Variants in BAIAP2 observed in about 807,000 individuals in gnomAD.
The protein encoded by BAIAP2 is BAR/IMD domain containing adaptor protein 2.
A neutral mutation model predicts 63.0 loss-of-function variants in BAIAP2; 18 were observed. The ratio of observed to expected loss-of-function variants is 0.29; its 90% CI spans 0.20 to 0.42. The LOEUF (loss-of-function observed/expected upper bound fraction) is 0.42. BAIAP2 is among the 10% of genes least tolerant of loss of function. BAIAP2 has a pLI of 1.00. For synonymous variants in BAIAP2, 386 were observed against 307.6 expected (o/e 1.25, Z -2.67); for missense variants, 610 against 734.3 (o/e 0.83, Z 1.96).
chr17:81,049,652 T>C (rs999697759), intron 1 of BAIAP2, among the ~76,000 whole-genome samples: 4 of 152,212 alleles, frequency 2.6e-5, no homozygotes, highest in Non-Finnish European at 4.4e-5. Context: ...AAAAGCCACG[T>C]CGGTGTGGCT....
At chr17:81,055,583 T>TGTTTTTTTTTTTTTTTG (rs2049391837) in intron 2 of BAIAP2, among the ~76,000 whole-genome samples, 1 of 149,234 alleles carries the variant, frequency 6.7e-6, no homozygotes, top group Non-Finnish European at 1.5e-5. Flanking sequence ...TGTTTTTTTT[T>TGTTTTTTTTTTTTTTTG]GAGACGGAGT....
Position 81,046,234 on chromosome 17 carries a change from C to T in BAIAP2, c.55-7434C>T, listed in dbSNP as rs920282127. ...AGGCCCCCGTCCTAACCCTGCGCGCCGTTTCCTCCCAGAAACTTCCATGCA... is the reference window on the plus strand; with the variant it reads ...AGGCCCCCGTCCTAACCCTGCGCGCTGTTTCCTCCCAGAAACTTCCATGCA... On this transcript the variant is annotated intron_variant, in intron 1 of 13. Transcript: ENST00000428708. The surrounding 1 kb of genome is among the most constrained non-coding windows in gnomAD (Gnocchi z 4.5). Among the ~76,000 whole-genome samples, 2 of 152,142 alleles carry T rather than the reference C, an allele frequency of 1.3e-5. No individual in the cohort carries two copies. The highest frequency in any genetic ancestry group is 2.9e-5 in the Non-Finnish European group (2 of 68,006).
At chr17:81,062,983 G>A (rs1011596933) in intron 3 of BAIAP2, among the ~76,000 whole-genome samples, 2 of 143,106 alleles carry the variant, frequency 1.4e-5, no homozygotes, top group Admixed American at 7.6e-5. Flanking sequence ...ATTTCCTGCC[G>A]ATATCTTTCC....
Position 81,116,449 on chromosome 17 carries a change from C to G in BAIAP2, c.*610C>G. 8.9e-7 allele frequency: 1 copy of G among 1,118,402 alleles called. No individual in the cohort carries two copies. 69.3% of individuals were successfully genotyped at this position (1,118,402 alleles called of 1,614,324 possible). ...GTCACAAGGGCCTCCCCAGGCCCCT[C>G]CTGCCTCGGGCAGGCCCCAGCCCTC... On this transcript the variant is annotated 3_prime_UTR_variant, in exon 14 of 14. Transcript: ENST00000428708.
At chr17:81,115,069 C>G (rs896113843) in intron 13 of BAIAP2, among the ~76,000 whole-genome samples, 1 of 152,254 alleles carries the variant, frequency 6.6e-6, no homozygotes, top group African/African-American at 2.4e-5. Flanking sequence ...AGGCATCCCT[C>G]TCATCCGTGC....
chr17:81,045,448 A>T (rs10871492), intron 1 of BAIAP2, among the ~76,000 whole-genome samples: 1 of 152,070 alleles, frequency 6.6e-6, no homozygotes, highest in Admixed American at 6.5e-5. Flanking sequence ...CTGTCCTGGG[A>T]CCTCCCAGGA....
intron 3 of BAIAP2, among the ~76,000 whole-genome samples, chr17:81,060,235 T>G (rs995270286): frequency 6.6e-6 from 1 of 152,162 alleles, no homozygotes; most frequent in Non-Finnish European, 1.5e-5. Context: ...GTTCTGTGGC[T>G]TAGTGTATTT....
At chr17:81,102,397 T>A (rs1282050298) in intron 7 of BAIAP2, among the ~76,000 whole-genome samples, 1 of 152,248 alleles carries the variant, frequency 6.6e-6, no homozygotes, top group East Asian at 1.9e-4. Context: ...CCTCTACCAC[T>A]GATCTCAGCC....
At chr17:81,053,008 C>T (rs561172216) in intron 1 of BAIAP2, among the ~76,000 whole-genome samples, 289 of 152,260 alleles carry the variant, frequency 1.9e-3, no homozygotes, top group African/African-American at 6.7e-3. Flanking sequence ...TCTCATTTGG[C>T]TGTTGTTTGT....
intron 1 of BAIAP2, among the ~76,000 whole-genome samples, chr17:81,035,749 G>C (rs1483181339): frequency 2.0e-5 from 3 of 152,096 alleles, no homozygotes; most frequent in East Asian, 1.9e-4. Flanking sequence ...CGGCGGCCAG[G>C]ACGGCATGGG....
intron 13 of BAIAP2, chr17:81,109,418 A>G: frequency 9.9e-7 from 1 of 1,009,472 alleles, no homozygotes; most frequent in Non-Finnish European, 1.2e-6. Flanking sequence ...AACAGGAAAA[A>G]GGACTTTTTT....
At chr17:81,079,495 T>A (rs756108163) in intron 3 of BAIAP2, among the ~76,000 whole-genome samples, 3 of 151,992 alleles carry the variant, frequency 2.0e-5, no homozygotes, top group Admixed American at 6.5e-5. Context: ...CACCCATGTG[T>A]GCCCCCTTTC....
chr17:81,052,101 C>T (rs2048762913), intron 1 of BAIAP2, among the ~76,000 whole-genome samples: 1 of 152,256 alleles, frequency 6.6e-6, no homozygotes, highest in African/African-American at 2.4e-5. Context: ...CTTCCTCTTC[C>T]TGCCTCCCCT....
At position 81,108,471 on chromosome 17, in the gene BAIAP2, C is replaced by T. The variant is rs751447804; in HGVS notation, c.1501-4C>T. 5.0e-6 allele frequency: 8 copies of T among 1,613,694 alleles called. No individual in the cohort carries two copies. In the South Asian group the frequency reaches 5.5e-5, roughly 11 times the overall value. ...GCCTGACATGTTTCTGCCTCTGCCC[C>T]CAGGGCCTGGATGACTATGGAGCGC... On this transcript the variant is annotated splice_polypyrimidine_tract_variant and splice_region_variant and intron_variant, in intron 12 of 13. Transcript: ENST00000428708.
chr17:81,049,534 G>A (rs939295393), intron 1 of BAIAP2, among the ~76,000 whole-genome samples: 3 of 152,150 alleles, frequency 2.0e-5, no homozygotes, highest in Admixed American at 6.5e-5. Flanking sequence ...AGACTTTCCC[G>A]ATCTCCTCCC....
chr17:81,107,726 C>G (rs1194830758), intron 12 of BAIAP2: 1 of 152,250 alleles, frequency 6.6e-6, no homozygotes, highest in South Asian at 2.1e-4. Context: ...CACCTTTTTC[C>G]GAGATAACAG....
chr17:81,069,361 G>A (rs2052135650), intron 3 of BAIAP2, among the ~76,000 whole-genome samples: 1 of 152,194 alleles, frequency 6.6e-6, no homozygotes. Flanking sequence ...CAAGTACCGA[G>A]GGGCGGCGCT....
chr17:81,083,732 G>A (rs1200770792), intron 3 of BAIAP2: 1 of 152,230 alleles, frequency 6.6e-6, no homozygotes, highest in Non-Finnish European at 1.5e-5. Flanking sequence ...GGCTGATGGT[G>A]TGGTCGCACC....
intron 6 of BAIAP2, among the ~76,000 whole-genome samples, chr17:81,094,098 G>C (rs1398882341): frequency 6.6e-6 from 1 of 152,156 alleles, no homozygotes; most frequent in East Asian, 1.9e-4. Flanking sequence ...CAGTGTCCCC[G>C]GGGCCAGGGC....
Sources: allele counts gnomAD v4.1 joint callset (sites outside exome capture counted in the v4.1 genomes callset), GRCh38; gene constraint gnomAD v4.1.1; non-coding constraint Gnocchi (gnomAD v3.1); transcripts MANE v1.5; gene names NCBI Gene and HGNC (gene_info 2026-07-23, HGNC 2026-07-21).